The following SMYD3 variants were observed in gnomAD, a reference collection of about 807,000 sequenced individuals.
The protein encoded by SMYD3 is histone-lysine N-methyltransferase SMYD3.
SMYD3 carries 36 observed loss-of-function variants against 57.7 expected under a neutral mutation model. The observed-to-expected ratio is 0.62, with a 90% confidence interval of 0.48 to 0.82. SMYD3 has a LOEUF of 0.82. SMYD3 is among the 40% of genes least tolerant of loss of function. The pLI is 0.00. For missense variants in SMYD3, 515 were observed against 538.8 expected, an observed-to-expected ratio of 0.96 and a Z score of 0.44; for synonymous variants, 211 against 195.0, an observed-to-expected ratio of 1.08 and a Z score of -0.68.
intron 5 of SMYD3, among the ~76,000 whole-genome samples, chr1:246,320,688 G>GA (rs1371819295): frequency 2.0e-5 from 3 of 150,596 alleles, no homozygotes; most frequent in Admixed American, 1.3e-4. Context: ...TATAAGCCCA[G>GA]AAAAAAAAAT....
chr1:246,245,231 C>T lies in SMYD3; in HGVS notation c.531+81970G>A, dbSNP rs530181983. ...GCTGAGGCGAGCGGATCACTTGAGC[C>T]CAGGAGTTGCAGACCAGCCTGGACA... On this transcript the variant is annotated intron_variant, in intron 5 of 11. Coordinates refer to ENST00000490107, the MANE Select transcript of SMYD3 (RefSeq NM_001167740.2). Among the ~76,000 whole-genome samples, 5 of 151,566 alleles carry T rather than the reference C, an allele frequency of 3.3e-5. No individual in the cohort carries two copies. The East Asian group carries it at 9.7e-4, about 29-fold the overall frequency.
chr1:245,852,739 A>G (rs2051040475), intron 10 of SMYD3, among the ~76,000 whole-genome samples: 1 of 152,156 alleles, frequency 6.6e-6, no homozygotes. Flanking sequence ...GCATTAAGAA[A>G]GTCTTTCAGA....
rs1558545193 is a variant in SMYD3 at position 245,970,934 on chromosome 1, A to T, written c.532-40997T>A. On this transcript the variant is annotated intron_variant, in intron 5 of 11. Transcript: ENST00000490107. ...ACTAGAATTACCATTTGACCCAGTG[A>T]TCCCATTACTGGGTATATACCCAAA... Among the ~76,000 whole-genome samples the T allele has an allele frequency of 3.3e-5, 5 of 152,346 alleles. No homozygotes were observed. In the South Asian group the frequency reaches 1.0e-3, roughly 32 times the overall value.
At chr1:246,148,047 T>C (rs563499651) in intron 5 of SMYD3, among the ~76,000 whole-genome samples, 252 of 147,860 alleles carry the variant, frequency 1.7e-3, no homozygotes, top group African/African-American at 5.8e-3. Flanking sequence ...GATTCCTGGG[T>C]GGAAGGCGGC....
chr1:246,385,982 G>A (rs542503768), intron 1 of SMYD3, among the ~76,000 whole-genome samples: 120 of 152,056 alleles, frequency 7.9e-4, no homozygotes, highest in Non-Finnish European at 1.2e-3. Flanking sequence ...TCCACCTCTT[G>A]GGTTCACACC....
At chr1:245,833,059 C>CAA (rs35215737) in intron 10 of SMYD3, among the ~76,000 whole-genome samples, 24 of 40,838 alleles carry the variant, frequency 5.9e-4, no homozygotes, top group South Asian at 9.3e-4. Flanking sequence ...GAATATGTGA[C>CAA]AAAAAAAAAA....
chr1:245,843,578 G>A (rs4364840), intron 10 of SMYD3, among the ~76,000 whole-genome samples: 51,895 of 140,396 alleles, frequency 0.37, 11,036 homozygotes, highest in African/African-American at 0.6. Flanking sequence ...GTGTGTGTGT[G>A]TATGTGCATA....
intron 5 of SMYD3, among the ~76,000 whole-genome samples, chr1:246,016,447 G>A (rs2059378224): frequency 6.6e-6 from 1 of 151,204 alleles, no homozygotes; most frequent in Non-Finnish European, 1.5e-5. Context: ...GCCAGGCGTG[G>A]TGGCATGTGC....
chr1:246,119,133 G>A (rs542758575), intron 5 of SMYD3, among the ~76,000 whole-genome samples: 2 of 152,124 alleles, frequency 1.3e-5, no homozygotes, highest in South Asian at 2.1e-4. Context: ...CCATCCTCTC[G>A]CCTCAGCTTT....
chr1:245,885,654 A>T (rs946081571), intron 8 of SMYD3, among the ~76,000 whole-genome samples: 1 of 152,088 alleles, frequency 6.6e-6, no homozygotes, highest in South Asian at 2.1e-4. Context: ...ACTTTTCTAC[A>T]GTGTTTCTCT....
chr1:245,781,701 C>G (rs567584089), intron 10 of SMYD3, among the ~76,000 whole-genome samples: 3 of 152,256 alleles, frequency 2.0e-5, no homozygotes, highest in Non-Finnish European at 4.4e-5. Context: ...TATGTCTGGG[C>G]CAGGTGCGCT....
intron 1 of SMYD3, among the ~76,000 whole-genome samples, chr1:246,376,578 G>C (rs1227207651): frequency 8.4e-6 from 1 of 118,848 alleles, no homozygotes; most frequent in African/African-American, 3.3e-5. Context: ...GCAACAGTGC[G>C]ACACTCCATC....
intron 5 of SMYD3, among the ~76,000 whole-genome samples, chr1:245,974,498 C>T (rs1370397136): frequency 2.7e-5 from 4 of 150,472 alleles, no homozygotes; most frequent in South Asian, 2.1e-4. Flanking sequence ...GGAAAGCCAT[C>T]GTCTCCGGCC....
At chr1:245,980,087 A>T (rs1030600706) in intron 5 of SMYD3, among the ~76,000 whole-genome samples, 7 of 151,890 alleles carry the variant, frequency 4.6e-5, no homozygotes, top group Admixed American at 6.5e-5. Context: ...AGTCGGCCTC[A>T]CAGATGAGGA....
intron 8 of SMYD3, among the ~76,000 whole-genome samples, chr1:245,890,016 G>A (rs910465426): frequency 6.6e-6 from 1 of 151,260 alleles, no homozygotes; most frequent in Non-Finnish European, 1.5e-5. Flanking sequence ...AATGGTGCCG[G>A]GAAAACTGGA....
intron 5 of SMYD3, chr1:246,052,485 TAATAGTACGC>T (rs1278195924): frequency 1.3e-5 from 2 of 152,380 alleles, no homozygotes; most frequent in Non-Finnish European, 2.9e-5. Flanking sequence ...CATGATTTTC[TAATAGTACGC>T]AAGTCCACTG....
intron 5 of SMYD3, among the ~76,000 whole-genome samples, chr1:246,166,622 C>T (rs1244930652): frequency 6.6e-6 from 1 of 152,144 alleles, no homozygotes; most frequent in African/African-American, 2.4e-5. Flanking sequence ...AGTCATTGTG[C>T]TTGTCCACAC....
chr1:246,327,894 G>C (rs558525198), intron 4 of SMYD3, among the ~76,000 whole-genome samples: 1 of 152,282 alleles, frequency 6.6e-6, no homozygotes, highest in South Asian at 2.1e-4. Flanking sequence ...TATCTGAGTT[G>C]AATAAACAAG....
At chr1:245,805,625 G>A (rs904186178) in intron 10 of SMYD3, among the ~76,000 whole-genome samples, 2 of 152,180 alleles carry the variant, frequency 1.3e-5, no homozygotes, top group Non-Finnish European at 2.9e-5. Flanking sequence ...GCACAGGAAA[G>A]GGATAGGTTG....
Sources: gnomAD v4.1 joint callset for allele counts (sites outside exome capture counted in the v4.1 genomes callset) on GRCh38, gnomAD v4.1.1 for gene constraint, MANE v1.5 for transcripts, NCBI Gene and HGNC (gene_info 2026-07-23, HGNC 2026-07-21) for gene names.